Variants in THSD7A observed in about 807,000 individuals in gnomAD.
The protein encoded by THSD7A is thrombospondin type 1 domain containing 7A.
A neutral mutation model predicts 231.3 loss-of-function variants in THSD7A; 96 were observed. The ratio of observed to expected loss-of-function variants is 0.41; its 90% CI spans 0.35 to 0.49. The LOEUF is 0.49. Ranked by LOEUF, THSD7A falls within the 20% of genes least tolerant of loss-of-function variation. THSD7A has a pLI of 0.05. For synonymous variants in THSD7A, 940 were observed against 743.3 expected (o/e 1.26, Z -4.30); for missense variants, 2,290 against 2,070.2 (o/e 1.11, Z -2.06).
chr7:11,593,681 A>G (rs1324216070), intron 2 of THSD7A, among the ~76,000 whole-genome samples, 179 bp from the exon 3 acceptor site: 1 of 152,212 alleles, frequency 6.6e-6, no homozygotes, highest in African/African-American at 2.4e-5. Flanking sequence ...CAAAGCTAAC[A>G]TTTGCATATT....
intron 16 of THSD7A, among the ~76,000 whole-genome samples, chr7:11,422,156 C>A (rs1373893430): frequency 1.3e-5 from 2 of 151,524 alleles, no homozygotes; most frequent in East Asian, 3.9e-4. Flanking sequence ...ATTTAAAAAG[C>A]AACAATAACT....
chr7:11,572,941 A>G (rs4720994), intron 4 of THSD7A, among the ~76,000 whole-genome samples: 100,863 of 151,910 alleles, frequency 0.66, 33,987 homozygotes, highest in Middle Eastern at 0.8. Flanking sequence ...ATTGTAGAGA[A>G]CCTCGATTAT....
intron 6 of THSD7A, among the ~76,000 whole-genome samples, chr7:11,498,139 T>A (rs1787181537): frequency 6.6e-6 from 1 of 152,108 alleles, no homozygotes; most frequent in Admixed American, 6.5e-5. Flanking sequence ...TACCCCTAGA[T>A]AAGAGGCTGA....
At chr7:11,650,203 G>C (rs1403421625) in intron 1 of THSD7A, among the ~76,000 whole-genome samples, 1 of 151,984 alleles carries the variant, frequency 6.6e-6, no homozygotes, top group African/African-American at 2.4e-5. Flanking sequence ...GTTTATAATA[G>C]CTTGCTGTCA....
At chr7:11,731,279 T>C (rs981590527) in intron 1 of THSD7A, among the ~76,000 whole-genome samples, 1 of 151,722 alleles carries the variant, frequency 6.6e-6, no homozygotes, top group East Asian at 2.0e-4. Context: ...TTTTTCTCTA[T>C]GAGGTTTCAA....
intron 2 of THSD7A, among the ~76,000 whole-genome samples, chr7:11,606,769 T>C (rs1297578869): frequency 6.6e-6 from 1 of 152,086 alleles, no homozygotes; most frequent in East Asian, 1.9e-4. Flanking sequence ...GAGTAAAATA[T>C]TCATTTTGTG....
At chr7:11,695,031 T>G (rs930804501) in intron 1 of THSD7A, among the ~76,000 whole-genome samples, 2 of 151,544 alleles carry the variant, frequency 1.3e-5, no homozygotes, top group African/African-American at 4.8e-5. Flanking sequence ...CAGCCAGATA[T>G]TATTCTTCAT....
chr7:11,469,281 T>C (rs1219162931), intron 9 of THSD7A, among the ~76,000 whole-genome samples: 1 of 152,170 alleles, frequency 6.6e-6, no homozygotes, highest in Admixed American at 6.6e-5. Flanking sequence ...GACCCTGACC[T>C]AGAGGGTGAA....
At chr7:11,696,601 G>A (rs777630187) in intron 1 of THSD7A, among the ~76,000 whole-genome samples, 3 of 150,402 alleles carry the variant, frequency 2.0e-5, no homozygotes, top group South Asian at 2.1e-4. Context: ...CCCTCCCCCC[G>A]ACAGGCCCCG....
intron 6 of THSD7A, among the ~76,000 whole-genome samples, chr7:11,535,149 T>A (rs1040990649): frequency 6.6e-6 from 1 of 152,200 alleles, no homozygotes; most frequent in African/African-American, 2.4e-5. Context: ...TTATCTGATG[T>A]CTCTGCTGAA....
At chr7:11,666,332 AAAC>A (rs1011334805) in intron 1 of THSD7A, among the ~76,000 whole-genome samples, 3 of 152,100 alleles carry the variant, frequency 2.0e-5, no homozygotes, top group African/African-American at 7.2e-5. Flanking sequence ...AGGTAATTTT[AAAC>A]AACATTTTGA....
chr7:11,626,624 C>A (rs1455660473), intron 2 of THSD7A, among the ~76,000 whole-genome samples: 1 of 151,982 alleles, frequency 6.6e-6, no homozygotes, highest in Admixed American at 6.6e-5. Flanking sequence ...CTGACACCAA[C>A]TAATTGATAG....
intron 2 of THSD7A, among the ~76,000 whole-genome samples, chr7:11,613,156 AG>A (rs1182408294): frequency 6.6e-6 from 1 of 152,228 alleles, no homozygotes; most frequent in Non-Finnish European, 1.5e-5. Context: ...CACCACATTG[AG>A]GTTTCTGGGT....
chr7:11,556,226 GCT>G (rs1789837662), intron 4 of THSD7A, among the ~76,000 whole-genome samples: 1 of 150,818 alleles, frequency 6.6e-6, no homozygotes. Flanking sequence ...TCCTTCTATA[GCT>G]CTTTTAGTGT....
chr7:11,459,883 C>T (rs954946522), intron 11 of THSD7A, among the ~76,000 whole-genome samples: 5 of 151,616 alleles, frequency 3.3e-5, no homozygotes, highest in Admixed American at 6.6e-5. Context: ...TAAAGTTGCT[C>T]GCATATTCAA....
chr7:11,544,125 C>T (rs895866943), intron 4 of THSD7A, among the ~76,000 whole-genome samples: 4 of 152,166 alleles, frequency 2.6e-5, no homozygotes, highest in South Asian at 4.1e-4. Flanking sequence ...GGGCAGATCA[C>T]GAGGTCAAGA....
intron 8 of THSD7A, among the ~76,000 whole-genome samples, chr7:11,473,221 A>G (rs1183385313): frequency 1.3e-5 from 2 of 152,002 alleles, no homozygotes; most frequent in Non-Finnish European, 2.9e-5. Flanking sequence ...AATGGGATTC[A>G]TATTTGTTTC....
intron 6 of THSD7A, among the ~76,000 whole-genome samples, chr7:11,508,980 G>A (rs1001864445): frequency 1.3e-5 from 2 of 152,094 alleles, no homozygotes; most frequent in African/African-American, 2.4e-5. Flanking sequence ...GTTCAGTGAA[G>A]CCAGATTAAT....
chr7:11,537,030 C>T (rs1389594722), intron 6 of THSD7A, among the ~76,000 whole-genome samples: 2 of 151,514 alleles, frequency 1.3e-5, no homozygotes, highest in East Asian at 2.0e-4. Context: ...ACAATGAGTC[C>T]TATTCTCCAG....
Sources: allele counts gnomAD v4.1 joint callset (sites outside exome capture counted in the v4.1 genomes callset), GRCh38; gene constraint gnomAD v4.1.1; transcripts MANE v1.5; gene names NCBI Gene and HGNC (gene_info 2026-07-23, HGNC 2026-07-21).